The following MXD1 variants were observed in gnomAD, a reference collection of about 807,000 sequenced individuals.
MXD1 encodes the protein MAX-binding protein.
In MXD1, 9 loss-of-function variants were observed where a neutral mutation model predicts 25.7. The ratio of observed to expected loss-of-function variants is 0.35; its 90% CI spans 0.21 to 0.61. The LOEUF is 0.61. Among genes scored for constraint, MXD1 ranks in the 20% least tolerant of loss-of-function variants. MXD1 has a pLI of 0.75. For synonymous variants in MXD1, 99 were observed against 113.9 expected, an observed-to-expected ratio of 0.87 and a Z score of 0.83; for missense variants, 227 against 292.4, an observed-to-expected ratio of 0.78 and a Z score of 1.63.
intron 3 of MXD1, among the ~76,000 whole-genome samples, chr2:69,930,500 G>A (rs1677258675): frequency 6.6e-6 from 1 of 152,128 alleles, no homozygotes; most frequent in South Asian, 2.1e-4. Context: ...CTTTTATTTT[G>A]CATTCATTGG....
At chr2:69,935,817 C>G (rs1204036249) in intron 4 of MXD1, among the ~76,000 whole-genome samples, 5 of 152,202 alleles carry the variant, frequency 3.3e-5, no homozygotes, top group Non-Finnish European at 7.3e-5. Flanking sequence ...ATAAAATCCT[C>G]AGAGGTCTCC....
chr2:69,919,983 AGTTTTGTTTTGTTTT>A (rs71993271), intron 2 of MXD1, among the ~76,000 whole-genome samples: 6,562 of 150,570 alleles, frequency 0.044, 541 homozygotes, highest in Admixed American at 0.2. Flanking sequence ...ACCATTTTAA[AGTTTTGTTTTGTTTT>A]GTTTTGTTTT....
intron 4 of MXD1, 92 bp downstream of exon 4, chr2:69,935,557 C>G (rs1447468336): frequency 1.2e-6 from 1 of 807,348 alleles, no homozygotes; most frequent in African/African-American, 1.7e-5. Flanking sequence ...CTCCCCTGAA[C>G]TCCTCCAGTC....
At chr2:69,923,291 T>C (rs573358426) in intron 3 of MXD1, among the ~76,000 whole-genome samples, 75 of 152,276 alleles carry the variant, frequency 4.9e-4, no homozygotes, top group Non-Finnish European at 9.1e-4. Context: ...GGAGAACCAT[T>C]GAACTAGCCT....
chr2:69,917,691 T>G (rs757375411), intron 2 of MXD1, among the ~76,000 whole-genome samples: 2 of 152,072 alleles, frequency 1.3e-5, no homozygotes, highest in African/African-American at 4.8e-5. Flanking sequence ...TGTTCACTAG[T>G]GGGGATAAGA....
chr2:69,915,161 C>T lies in MXD1; in HGVS notation c.-170C>T. The T allele has an allele frequency of 2.1e-6, 1 of 482,028 alleles. No individual in the cohort carries two copies. The highest frequency in any genetic ancestry group is 3.4e-6 in the Non-Finnish European group (1 of 296,842). The allele number at this position is 482,028 out of a possible 1,614,324, so 29.9% of individuals were successfully genotyped here. On this transcript the variant is annotated 5_prime_UTR_variant, in exon 1 of 6. Transcript: ENST00000264444. The surrounding 1 kb of genome is among the most constrained non-coding windows in gnomAD (Gnocchi z 5.8). ...CGGCGGTGCCCAGCTCACTGGCCCC[C>T]TCCCTCTCTTGTCGAGCGTGGTTGC...
At chr2:69,935,002 A>G (rs529996123) in intron 3 of MXD1, among the ~76,000 whole-genome samples, 1 of 152,360 alleles carries the variant, frequency 6.6e-6, no homozygotes, top group South Asian at 2.1e-4. Context: ...TAATACTTCA[A>G]TAAACTCATT....
chr2:69,920,532 C>T (rs62152020), intron 2 of MXD1, among the ~76,000 whole-genome samples: 31,866 of 151,868 alleles, frequency 0.21, 3,667 homozygotes, highest in East Asian at 0.35. Context: ...TCCTTACCCC[C>T]ATTCTCTGAT....
rs1035673195 is a variant in MXD1, at chr2:69,941,418, C to G, written c.*3134C>G. ...AACTGCTGGCTCCTTTCTGTAGTCA[C>G]ACACCTAATGCTAGTTTAGTGATTC... is the stretch of plus-strand genomic sequence containing the variant. On this transcript the variant is annotated 3_prime_UTR_variant, in exon 6 of 6. Coordinates refer to ENST00000264444, the MANE Select transcript of MXD1 (RefSeq NM_002357.4). 1.3e-5 allele frequency: 2 copies of G among 152,226 alleles called. No individual in the cohort carries two copies. The highest frequency in any genetic ancestry group is 4.8e-5 in the African/African-American group (2 of 41,466). The allele number at this position is 152,226 out of a possible 1,614,324, so 9.4% of individuals were successfully genotyped here.
chr2:69,937,405 C>T lies in MXD1; in HGVS notation c.478+11C>T. The T allele has an allele frequency of 1.3e-6, 2 of 1,591,794 alleles. No homozygotes were observed. Among genetic ancestry groups the T allele is most frequent in the South Asian group, 2.3e-5 (2 of 88,646 alleles). On this transcript the variant is annotated intron_variant, in intron 5 of 5. Transcript: ENST00000264444. ...CCGACTCCGACAGGGGTGAGCCTCT[C>T]TCACTCTCCTCCCTGTCTCCCTTGT...
chr2:69,936,969 C>A (rs1421444874), intron 4 of MXD1: 1 of 582,430 alleles, frequency 1.7e-6, no homozygotes, highest in South Asian at 1.5e-5. Flanking sequence ...AAACTGAGGG[C>A]TACCAGGGTG....
intron 5 of MXD1, 80 bp from the exon 6 acceptor site, chr2:69,938,017 G>C (rs564712947): frequency 7.2e-7 from 1 of 1,395,530 alleles, no homozygotes; most frequent in South Asian, 1.3e-5. Context: ...AAAGTGCTGG[G>C]ATTACAAGCA....
chr2:69,936,892 T>C lies in MXD1; in HGVS notation c.319-343T>C. Reference sequence around the variant, plus strand: ...AGTTTTCTAGTCCGGAGATCAGGTGTTCAGGGGATTGCTGCAAACAAGGGA... The same window carrying C: ...AGTTTTCTAGTCCGGAGATCAGGTGCTCAGGGGATTGCTGCAAACAAGGGA... On this transcript the variant is annotated intron_variant, in intron 4 of 5. Transcript: ENST00000264444. The C allele has an allele frequency of 6.3e-6, 3 of 473,566 alleles. No individual in the cohort carries two copies. In the Admixed American group the frequency reaches 7.1e-5, roughly 11 times the overall value. The allele number at this position is 473,566 out of a possible 1,614,324, so 29.3% of individuals were successfully genotyped here.
intron 3 of MXD1, among the ~76,000 whole-genome samples, chr2:69,931,449 C>T (rs1016318969): frequency 6.6e-6 from 1 of 152,120 alleles, no homozygotes; most frequent in Non-Finnish European, 1.5e-5. Flanking sequence ...CTGTGCCTGG[C>T]TTATTTCACT....
Position 69,915,487 on chromosome 2 carries a change from C to G in MXD1, c.73+84C>G. 1 of 1,145,060 alleles carries G rather than the reference C, an allele frequency of 8.7e-7. No homozygotes were observed. 70.9% of individuals were successfully genotyped at this position (1,145,060 alleles called of 1,614,324 possible). ...CCTCAGGTCCGGGCGCCCAGCCGCT[C>G]CGGGGGTGGTTGGAGGCGGGGAGAC... is the stretch of plus-strand genomic sequence containing the variant. On this transcript the variant is annotated intron_variant, in intron 1 of 5. Coordinates refer to ENST00000264444, the MANE Select transcript of MXD1 (RefSeq NM_002357.4). The surrounding 1 kb of genome is among the most constrained non-coding windows in gnomAD (Gnocchi z 5.8).
Position 69,938,556 on chromosome 2 carries a change from A to G in MXD1, c.*272A>G. On this transcript the variant is annotated 3_prime_UTR_variant, in exon 6 of 6. Transcript: ENST00000264444. The stretch of plus-strand genomic sequence containing the variant: ...CATCCAAGAATTCTTAGACCGAATA[A>G]GCAATGTCCACATCTCAGCAATCCC... The G allele has an allele frequency of 7.8e-6, 3 of 386,670 alleles. No individual in the cohort carries two copies. Among genetic ancestry groups the G allele is most frequent in the Non-Finnish European group, 1.4e-5 (3 of 210,170 alleles). 24.0% of individuals were successfully genotyped at this position (386,670 alleles called of 1,614,324 possible).
intron 2 of MXD1, 136 bp from the exon 3 acceptor site, chr2:69,921,600 C>G: frequency 3.3e-6 from 2 of 603,270 alleles, no homozygotes; most frequent in Non-Finnish European, 5.4e-6. Context: ...TTTAGTAGAG[C>G]CCAGTGAATT....
In MXD1 at chr2:69,921,755, GAGA is replaced by G. The variant is rs1677067553; in HGVS notation, c.198_200del (p.Lys66del). The G allele has an allele frequency of 1.2e-6, 2 of 1,611,238 alleles. No individual in the cohort carries two copies. Among genetic ancestry groups the G allele is most frequent in the Non-Finnish European group, 1.7e-6 (2 of 1,178,606 alleles). ...TTTCAGATCAACTCACAATGAAATG[GAGA>G]AGAATAGGTGAGTTGGGGATTTGGG... On this transcript the variant is annotated inframe_deletion, in exon 3 of 6. Coordinates refer to ENST00000264444, the MANE Select transcript of MXD1 (RefSeq NM_002357.4).
intron 4 of MXD1, among the ~76,000 whole-genome samples, chr2:69,936,634 G>T (rs1296249201): frequency 3.3e-5 from 5 of 152,304 alleles, no homozygotes; most frequent in Middle Eastern, 3.4e-3. Context: ...TGAAGAATAT[G>T]AGAAGCTGGG....
Sources: allele counts gnomAD v4.1 joint callset (sites outside exome capture counted in the v4.1 genomes callset), GRCh38; gene constraint gnomAD v4.1.1; non-coding constraint Gnocchi (gnomAD v3.1); transcripts MANE v1.5; gene names NCBI Gene and HGNC (gene_info 2026-07-23, HGNC 2026-07-21).